Variants in MAGI2 observed in about 807,000 individuals in gnomAD.
The protein encoded by MAGI2 is membrane-associated guanylate kinase, WW and PDZ domain-containing protein 2.
In MAGI2, 35 loss-of-function variants were observed where a neutral mutation model predicts 133.3. The ratio of observed to expected loss-of-function variants is 0.26; its 90% confidence interval spans 0.20 to 0.35. The LOEUF is 0.35. Among genes scored for constraint, MAGI2 ranks in the 10% least tolerant of loss-of-function variants. MAGI2 has a pLI of 1.00. For missense variants in MAGI2, 1,636 were observed against 1,863.4 expected, an observed-to-expected ratio of 0.88 and a Z score of 2.25; for synonymous variants, 729 against 710.6, an observed-to-expected ratio of 1.03 and a Z score of -0.41.
chr7:78,785,108 C>T lies in MAGI2; in HGVS notation c.419-157869G>A, dbSNP rs934553891. Among the ~76,000 whole-genome samples, 11 of 151,988 alleles carry T rather than the reference C, an allele frequency of 7.2e-5. 1 individual carries two copies. Among genetic ancestry groups the T allele is most frequent in the South Asian group, 2.1e-4 (1 of 4,814 alleles). ...CTAAACAAAATGAACAAAATTCAAA[C>T]GAAACAATAAAGTTATCACCCTAGA... On this transcript the variant is annotated intron_variant, in intron 2 of 21. Transcript: ENST00000354212.
intron 1 of MAGI2, among the ~76,000 whole-genome samples, chr7:79,066,095 C>T (rs943149778): frequency 1.3e-5 from 2 of 152,084 alleles, no homozygotes; most frequent in Non-Finnish European, 2.9e-5. Context: ...ACTGCTGGGA[C>T]AAATGGTGTT....
chr7:78,664,412 G>A (rs987034437), intron 2 of MAGI2, among the ~76,000 whole-genome samples: 2 of 151,932 alleles, frequency 1.3e-5, no homozygotes, highest in Non-Finnish European at 2.9e-5. Context: ...CATTATAATG[G>A]AAACATTCTC....
intron 2 of MAGI2, among the ~76,000 whole-genome samples, chr7:78,919,776 A>G (rs910499537): frequency 6.6e-6 from 1 of 152,148 alleles, no homozygotes; most frequent in African/African-American, 2.4e-5. Flanking sequence ...AATTGTATGC[A>G]AATGTATGCT....
chr7:78,546,676 A>ATCTC (rs3086440), intron 3 of MAGI2, among the ~76,000 whole-genome samples: 2 of 150,732 alleles, frequency 1.3e-5, no homozygotes, highest in Admixed American at 6.6e-5. Context: ...AAAGATCCTC[A>ATCTC]TCTCTCTCTC....
intron 1 of MAGI2, among the ~76,000 whole-genome samples, chr7:79,011,607 C>A (rs1808099129): frequency 6.6e-6 from 1 of 152,186 alleles, no homozygotes; most frequent in South Asian, 2.1e-4. Flanking sequence ...AAGCAGTTCA[C>A]TAATTGGGAT....
At chr7:78,470,532 A>T (rs1169806850) in intron 6 of MAGI2, among the ~76,000 whole-genome samples, 2 of 152,110 alleles carry the variant, frequency 1.3e-5, no homozygotes, top group African/African-American at 4.8e-5. Context: ...AGCTAATATA[A>T]TTCACCTTTT....
chr7:79,376,767 CTG>C (rs894620019), intron 1 of MAGI2, among the ~76,000 whole-genome samples: 5 of 151,568 alleles, frequency 3.3e-5, no homozygotes, highest in Admixed American at 6.6e-5. Flanking sequence ...ATGTAGTTGA[CTG>C]TGGATAACTG....
intron 10 of MAGI2, among the ~76,000 whole-genome samples, chr7:78,232,525 C>G (rs756410455): frequency 2.0e-5 from 3 of 151,982 alleles, no homozygotes; most frequent in Non-Finnish European, 2.9e-5. Flanking sequence ...TTGGTGTGTG[C>G]GGGTAAGGTG....
chr7:78,579,428 C>T (rs576823418), intron 3 of MAGI2, among the ~76,000 whole-genome samples: 19 of 152,264 alleles, frequency 1.2e-4, no homozygotes, highest in African/African-American at 4.6e-4. Context: ...TCTTTGCCTT[C>T]CATTTACCTA....
At chr7:78,614,837 C>G (rs1457859198) in intron 3 of MAGI2, 1 of 152,178 alleles carries the variant, frequency 6.6e-6, no homozygotes, top group Non-Finnish European at 1.5e-5. Context: ...TAGCCTTTCC[C>G]TTTCAGAAGT....
At chr7:78,336,157 G>C (rs1035239423) in intron 9 of MAGI2, among the ~76,000 whole-genome samples, 1 of 152,056 alleles carries the variant, frequency 6.6e-6, no homozygotes, top group African/African-American at 2.4e-5. Flanking sequence ...TAAATATTTT[G>C]ATCCTTTTTT....
chr7:78,785,912 C>G (rs1258381589), intron 2 of MAGI2, among the ~76,000 whole-genome samples: 2 of 152,148 alleles, frequency 1.3e-5, no homozygotes, highest in African/African-American at 4.8e-5. Flanking sequence ...GGTGAGACTT[C>G]ATACACTAGA....
rs146136670 is a variant in MAGI2 at position 78,817,447 on chromosome 7, T to C, written c.418+189643A>G. 3.0e-3 allele frequency among the ~76,000 whole-genome samples: 454 copies of C among 152,258 alleles called. 3 individuals are homozygous for C. Among genetic ancestry groups the C allele is most frequent in the African/African-American group, 9.5e-3 (393 of 41,544 alleles). The stretch of plus-strand genomic sequence containing the variant: ...GCATCACATGCTAGAGAGAAATCTG[T>C]TGTGAAAGAAAGAGTTAATCCATGT... On this transcript the variant is annotated intron_variant, in intron 2 of 21. Transcript: ENST00000354212.
chr7:78,348,365 T>C (rs536740523), intron 7 of MAGI2: 63 of 152,352 alleles, frequency 4.1e-4, no homozygotes, highest in African/African-American at 1.4e-3. Context: ...ACAATGTTTG[T>C]ATCTCCCTTA....
chr7:79,303,701 T>C (rs183846237), intron 1 of MAGI2, among the ~76,000 whole-genome samples: 1 of 152,334 alleles, frequency 6.6e-6, no homozygotes, highest in East Asian at 1.9e-4. Flanking sequence ...CCATATCACT[T>C]AATCTTTCTG....
intron 1 of MAGI2, among the ~76,000 whole-genome samples, chr7:79,113,958 C>T (rs1204218683): frequency 6.6e-6 from 1 of 152,146 alleles, no homozygotes; most frequent in African/African-American, 2.4e-5. Flanking sequence ...TTTTCTGAAT[C>T]ATTTGAGCAA....
At chr7:78,266,400 G>A (rs552668935) in intron 9 of MAGI2, among the ~76,000 whole-genome samples, 1 of 151,900 alleles carries the variant, frequency 6.6e-6, no homozygotes, top group African/African-American at 2.4e-5. Context: ...TGGGAGTTTT[G>A]TCATGTTGCC....
chr7:79,288,654 C>T (rs534736020), intron 1 of MAGI2, among the ~76,000 whole-genome samples: 34 of 152,090 alleles, frequency 2.2e-4, no homozygotes, highest in South Asian at 6.2e-4. Context: ...AATGTGGGAA[C>T]CAGGACGTCA....
At chr7:78,416,397 AAAAT>A in intron 6 of MAGI2, among the ~76,000 whole-genome samples, 1 of 108,080 alleles carries the variant, frequency 9.3e-6, no homozygotes, top group East Asian at 3.4e-4. Flanking sequence ...ACATGATTGG[AAAAT>A]AAATATTGAA....
Sources: allele counts gnomAD v4.1 joint callset (sites outside exome capture counted in the v4.1 genomes callset), GRCh38; gene constraint gnomAD v4.1.1; transcripts MANE v1.5; gene names NCBI Gene and HGNC (gene_info 2026-07-23, HGNC 2026-07-21).